HS3ST3A1: variants seen among roughly 807,000 people sequenced by gnomAD.
The protein encoded by HS3ST3A1 is heparan sulfate glucosamine 3-O-sulfotransferase 3A1.
Under a neutral mutation model 25.7 loss-of-function variants are expected in HS3ST3A1, and 19 were observed. The observed-to-expected ratio is 0.74, with a 90% CI of 0.52 to 1.08. The LOEUF (loss-of-function observed/expected upper bound fraction) is 1.08, where lower values mean the gene tolerates loss of function less well. Among genes scored for constraint, HS3ST3A1 ranks in the 50% least tolerant of loss-of-function variants. The pLI, the probability that HS3ST3A1 is intolerant of heterozygous loss-of-function variation, is 0.00. For missense variants in HS3ST3A1, 459 were observed against 594.3 expected (o/e 0.77, Z 2.37); for synonymous variants, 226 against 278.6 (o/e 0.81, Z 1.88).
At chr17:13,522,919 A>G (rs564182163) in intron 1 of HS3ST3A1, among the ~76,000 whole-genome samples, 32 of 151,972 alleles carry the variant, frequency 2.1e-4, no homozygotes, top group African/African-American at 7.7e-4. Flanking sequence ...AGTTTTGGCC[A>G]TAAGTTTGTG....
At chr17:13,572,882 T>A (rs139350482) in intron 1 of HS3ST3A1, among the ~76,000 whole-genome samples, 1 of 152,304 alleles carries the variant, frequency 6.6e-6, no homozygotes, top group Non-Finnish European at 1.5e-5. Flanking sequence ...TAAAATTGTA[T>A]ATATTGAATT....
At position 13,533,100 on chromosome 17, in the gene HS3ST3A1, A is replaced by G. The variant is rs551207115; in HGVS notation, c.600-36282T>C. Among the ~76,000 whole-genome samples the G allele has an allele frequency of 1.7e-4, 26 of 152,240 alleles. 1 individual carries two copies. The South Asian group carries it at 5.0e-3, about 29-fold the overall frequency. The stretch of plus-strand genomic sequence containing the variant: ...TAGTGTTGCTGTAAGAATTAAATTG[A>G]ATAGAATATGTCAAGATTGTGGAGG... On this transcript the variant is annotated intron_variant, in intron 1 of 1. Transcript: ENST00000284110.
At chr17:13,560,739 C>T (rs1304616004) in intron 1 of HS3ST3A1, among the ~76,000 whole-genome samples, 1 of 152,126 alleles carries the variant, frequency 6.6e-6, no homozygotes, top group Non-Finnish European at 1.5e-5. Flanking sequence ...GCAATTTCAA[C>T]ACAGGTGCCT....
At chr17:13,591,848 T>A (rs796553843) in intron 1 of HS3ST3A1, among the ~76,000 whole-genome samples, 1 of 151,892 alleles carries the variant, frequency 6.6e-6, no homozygotes, top group African/African-American at 2.4e-5. Context: ...TTAGTAGAGA[T>A]GCGATTTCAC....
chr17:13,550,556 G>A (rs1266365362), intron 1 of HS3ST3A1, among the ~76,000 whole-genome samples: 4 of 152,110 alleles, frequency 2.6e-5, no homozygotes, highest in African/African-American at 7.2e-5. Context: ...TGAGTCACCT[G>A]ACCAAGAACG....
At chr17:13,571,292 C>T (rs1277015125) in intron 1 of HS3ST3A1, among the ~76,000 whole-genome samples, 1 of 152,178 alleles carries the variant, frequency 6.6e-6, no homozygotes, top group African/African-American at 2.4e-5. Context: ...AGTACATAAC[C>T]TCTGCTGGGG....
intron 1 of HS3ST3A1, among the ~76,000 whole-genome samples, chr17:13,577,597 A>C (rs989012137): frequency 2.0e-5 from 3 of 152,256 alleles, no homozygotes; most frequent in Non-Finnish European, 4.4e-5. Flanking sequence ...GAATACATAT[A>C]GAATAATACA....
chr17:13,530,419 C>T (rs889020125), intron 1 of HS3ST3A1, among the ~76,000 whole-genome samples: 17 of 152,264 alleles, frequency 1.1e-4, no homozygotes, highest in East Asian at 1.9e-4. Context: ...ATTATTCCCA[C>T]TCTCCAAATG....
intron 1 of HS3ST3A1, among the ~76,000 whole-genome samples, chr17:13,503,234 A>T (rs1482602636): frequency 6.6e-6 from 1 of 152,060 alleles, no homozygotes; most frequent in African/African-American, 2.4e-5. Context: ...AAAAATAGCT[A>T]CACAGCATAG....
intron 1 of HS3ST3A1, among the ~76,000 whole-genome samples, chr17:13,585,185 G>GTTTT (rs1908218432): frequency 2.0e-5 from 1 of 50,092 alleles, no homozygotes; most frequent in African/African-American, 7.7e-5. Context: ...ATTTTTCTGT[G>GTTTT]CTTTTTTTTT....
In HS3ST3A1 at chr17:13,601,499, C is replaced by G. The variant is rs981824266; in HGVS notation, c.-370G>C. The G allele has an allele frequency of 9.7e-6, 2 of 205,152 alleles. No homozygotes were observed. Among genetic ancestry groups the G allele is most frequent in the Non-Finnish European group, 1.9e-5 (2 of 103,822 alleles). 12.7% of individuals were successfully genotyped at this position (205,152 alleles called of 1,614,324 possible). A position where few individuals can be genotyped will look rare whatever the true frequency, so the allele number is the denominator to read the frequency against. ...CGGTGTCGAAGGCGTGCGTCTCAGC[C>G]CCGGCCCCGAGAGACTTCTCGGCGC... On this transcript the variant is annotated 5_prime_UTR_variant, in exon 1 of 2. Transcript: ENST00000284110.
rs541129820 is a variant in HS3ST3A1 at position 13,591,172 on chromosome 17, G to A, written c.599+9359C>T. 3.9e-3 allele frequency among the ~76,000 whole-genome samples: 584 copies of A among 151,356 alleles called. 5 individuals are homozygous for A. The highest frequency in any genetic ancestry group is 0.014 in the African/African-American group (559 of 41,172). On this transcript the variant is annotated intron_variant, in intron 1 of 1. Transcript: ENST00000284110. Reference sequence around the variant, plus strand: ...GGCCATCCTCTTACCTCAGCCTCCGGAGTACCTGGGATTACAGGCATGGCC... The same window carrying A: ...GGCCATCCTCTTACCTCAGCCTCCGAAGTACCTGGGATTACAGGCATGGCC...
intron 1 of HS3ST3A1, among the ~76,000 whole-genome samples, chr17:13,503,366 C>T (rs1464525418): frequency 6.6e-6 from 1 of 152,050 alleles, no homozygotes; most frequent in Non-Finnish European, 1.5e-5. Flanking sequence ...TTCTGTAGCA[C>T]TGTAGGGTGA....
chr17:13,583,873 G>A (rs1908177338), intron 1 of HS3ST3A1, among the ~76,000 whole-genome samples: 1 of 152,306 alleles, frequency 6.6e-6, no homozygotes, highest in South Asian at 2.1e-4. Context: ...GTTTTGCCAT[G>A]AGCAGTACAT....
intron 1 of HS3ST3A1, among the ~76,000 whole-genome samples, chr17:13,583,541 C>T (rs1027964065): frequency 6.6e-6 from 1 of 152,174 alleles, no homozygotes; most frequent in African/African-American, 2.4e-5. Flanking sequence ...TTTCTCTTCT[C>T]CCTCATCCCC....
intron 1 of HS3ST3A1, among the ~76,000 whole-genome samples, chr17:13,567,325 A>G (rs1432551565): frequency 6.6e-6 from 1 of 152,244 alleles, no homozygotes; most frequent in Non-Finnish European, 1.5e-5. Flanking sequence ...ACTCATTGAT[A>G]ATGCATCTGG....
In HS3ST3A1 at chr17:13,585,186, C is replaced by CTTTT. The variant is rs71144977; in HGVS notation, c.599+15341_599+15344dup. On this transcript the variant is annotated intron_variant, in intron 1 of 1. Coordinates refer to ENST00000284110, the MANE Select transcript of HS3ST3A1 (RefSeq NM_006042.3). ...CAATCTAAATACTCATTTTTCTGTG[C>CTTTT]TTTTTTTTTTTTTTTTTTTTTTTTT... Among the ~76,000 whole-genome samples the CTTTT allele has an allele frequency of 9.8e-3, 327 of 33,254 alleles. 66 individuals carry two copies. The highest frequency in any genetic ancestry group is 0.031 in the East Asian group (22 of 714). 21.8% of individuals were successfully genotyped at this position (33,254 alleles called of 152,430 possible).
intron 1 of HS3ST3A1, among the ~76,000 whole-genome samples, chr17:13,557,689 AT>A (rs1412468215): frequency 6.6e-6 from 1 of 152,206 alleles, no homozygotes; most frequent in Non-Finnish European, 1.5e-5. Context: ...GTTAAGTATC[AT>A]TGTGGAGGCC....
At chr17:13,506,785 G>T (rs569353066) in intron 1 of HS3ST3A1, among the ~76,000 whole-genome samples, 17 of 152,092 alleles carry the variant, frequency 1.1e-4, no homozygotes, top group Admixed American at 8.5e-4. Context: ...GGCCGGGAGC[G>T]GTGGCTCACG....
Sources: gnomAD v4.1 joint callset for allele counts (sites outside exome capture counted in the v4.1 genomes callset) on GRCh38, gnomAD v4.1.1 for gene constraint, MANE v1.5 for transcripts, NCBI Gene and HGNC (gene_info 2026-07-23, HGNC 2026-07-21) for gene names.